RBFOX1: variants seen among roughly 807,000 people sequenced by gnomAD.
RBFOX1 encodes RNA binding fox-1 homolog 1, also known as RNA binding protein fox-1 homolog 1.
A neutral mutation model predicts 57.7 loss-of-function variants in RBFOX1; 8 were observed. The ratio of observed to expected loss-of-function variants is 0.14; its 90% CI spans 0.08 to 0.25. RBFOX1 has a LOEUF of 0.25. RBFOX1 is among the 10% of genes least tolerant of loss of function. The pLI is 1.00. For synonymous variants in RBFOX1, 326 were observed against 222.4 expected, an observed-to-expected ratio of 1.47 and a Z score of -4.15; for missense variants, 611 against 548.5, an observed-to-expected ratio of 1.11 and a Z score of -1.14.
At chr16:5,619,459 G>A (rs933290157) in intron 3 of RBFOX1, among the ~76,000 whole-genome samples, 2 of 152,172 alleles carry the variant, frequency 1.3e-5, no homozygotes, top group Admixed American at 1.3e-4. Context: ...CTCATCTCTC[G>A]CCCCAACCCC....
chr16:5,928,452 TA>T (rs1374799689), intron 4 of RBFOX1, among the ~76,000 whole-genome samples: 1 of 152,156 alleles, frequency 6.6e-6, no homozygotes, highest in East Asian at 1.9e-4. Flanking sequence ...ATATGCTAAT[TA>T]GCTTGATTTA....
At chr16:5,964,841 C>T (rs1330808326) in intron 4 of RBFOX1, among the ~76,000 whole-genome samples, 2 of 151,902 alleles carry the variant, frequency 1.3e-5, no homozygotes, top group Non-Finnish European at 2.9e-5. Context: ...TATACACACA[C>T]ACAATGACCT....
intron 3 of RBFOX1, among the ~76,000 whole-genome samples, chr16:6,654,935 A>C (rs1361990419): frequency 6.6e-6 from 1 of 151,988 alleles, no homozygotes. Context: ...ATACTTTAAC[A>C]CTTGTCACAT....
At chr16:6,941,241 C>T (rs2078401323) in intron 3 of RBFOX1, among the ~76,000 whole-genome samples, 1 of 129,066 alleles carries the variant, frequency 7.7e-6, no homozygotes, top group Non-Finnish European at 1.8e-5. Context: ...TCCCTCCATC[C>T]CCTCCCATTC....
At chr16:7,250,150 T>G (rs28464215) in intron 4 of RBFOX1, among the ~76,000 whole-genome samples, 30 of 152,366 alleles carry the variant, frequency 2.0e-4, no homozygotes, top group African/African-American at 5.8e-4. Flanking sequence ...TTTTATTGAT[T>G]TTCGAGAGAA....
intron 3 of RBFOX1, among the ~76,000 whole-genome samples, chr16:5,790,140 G>A (rs1416401438): frequency 1.3e-5 from 2 of 152,214 alleles, no homozygotes; most frequent in African/African-American, 4.8e-5. Flanking sequence ...AAAAGAGTGC[G>A]AGGGTCTCAC....
chr16:5,894,407 C>T (rs2152156986), intron 4 of RBFOX1, among the ~76,000 whole-genome samples: 1 of 152,140 alleles, frequency 6.6e-6, no homozygotes, highest in African/African-American at 2.4e-5. Flanking sequence ...CTCAGCCTCC[C>T]AAGTAGCTGT....
At chr16:5,699,445 G>A (rs2050958147) in intron 3 of RBFOX1, among the ~76,000 whole-genome samples, 1 of 150,940 alleles carries the variant, frequency 6.6e-6, no homozygotes, top group South Asian at 2.1e-4. Context: ...CTGGTTTGGA[G>A]ACAGTAGATT....
chr16:5,780,553 A>G (rs903185693), intron 3 of RBFOX1, among the ~76,000 whole-genome samples: 5 of 152,146 alleles, frequency 3.3e-5, no homozygotes, highest in South Asian at 2.1e-4. Flanking sequence ...CAATCAATCA[A>G]TTCCTCCAAA....
At chr16:7,517,390 G>C (rs566945247) in intron 4 of RBFOX1, among the ~76,000 whole-genome samples, 42 of 152,170 alleles carry the variant, frequency 2.8e-4, no homozygotes, top group African/African-American at 9.9e-4. Flanking sequence ...CAGGGAGGGA[G>C]AGGCATTGAC....
At position 7,476,958 on chromosome 16, in the gene RBFOX1, T is replaced by TG. The variant is rs1313135635; in HGVS notation, c.28-41189_28-41188insG. 5.9e-5 allele frequency among the ~76,000 whole-genome samples: 9 copies of TG among 152,196 alleles called. No homozygotes were observed. In the East Asian group the frequency reaches 1.7e-3, roughly 29 times the overall value. ...TGCCCTCATCCTCACCCCTCCATCA[T>TG]AGTGCAATTGCATTGGTGTGGAGTC... is the stretch of plus-strand genomic sequence containing the variant. On this transcript the variant is annotated intron_variant, in intron 4 of 15. Coordinates refer to ENST00000550418, the MANE Select transcript of RBFOX1 (RefSeq NM_018723.4).
In RBFOX1 at chr16:6,043,397, G is replaced by C. The variant is rs142329632; in HGVS notation, c.-127+23405G>C. ...CAAAATATGTCAAAGAAACATTTTGGGATACAATATTTTGATTTCCTTCAG... is the reference window on the plus strand; with the variant it reads ...CAAAATATGTCAAAGAAACATTTTGCGATACAATATTTTGATTTCCTTCAG... On this transcript the variant is annotated intron_variant, in intron 1 of 15. Transcript: ENST00000550418. Among the ~76,000 whole-genome samples the C allele has an allele frequency of 2.0e-3, 297 of 152,180 alleles. 5 individuals carry two copies. In the East Asian group the frequency reaches 0.043, roughly 22 times the overall value.
intron 4 of RBFOX1, among the ~76,000 whole-genome samples, chr16:5,991,737 A>G (rs1263255301): frequency 6.6e-6 from 1 of 151,520 alleles, no homozygotes; most frequent in Non-Finnish European, 1.5e-5. Flanking sequence ...TAGGAGCTAA[A>G]CAGACCCGGG....
At chr16:7,489,026 T>G (rs138228458) in intron 4 of RBFOX1, among the ~76,000 whole-genome samples, 1 of 152,196 alleles carries the variant, frequency 6.6e-6, no homozygotes, top group Admixed American at 6.5e-5. Flanking sequence ...TACCTATGCA[T>G]CTATCTCTAT....
intron 4 of RBFOX1, among the ~76,000 whole-genome samples, chr16:5,968,443 T>C (rs2059895512): frequency 6.6e-6 from 1 of 152,154 alleles, no homozygotes; most frequent in Admixed American, 6.5e-5. Flanking sequence ...TTGTTTACAG[T>C]TTATATCCTT....
chr16:6,315,557 ATG>A (rs2081000543), intron 1 of RBFOX1, among the ~76,000 whole-genome samples: 1 of 71,586 alleles, frequency 1.4e-5, no homozygotes, highest in Admixed American at 1.4e-4. Flanking sequence ...GGATGGATGG[ATG>A]GATGGATGGA....
intron 3 of RBFOX1, among the ~76,000 whole-genome samples, chr16:6,952,854 A>G (rs1598244761): frequency 6.6e-6 from 1 of 152,100 alleles, no homozygotes; most frequent in African/African-American, 2.4e-5. Flanking sequence ...GCATGCCTGT[A>G]ATCCCAGCTA....
At position 7,188,927 on chromosome 16, in the gene RBFOX1, A is replaced by G. The variant is rs1414455883; in HGVS notation, c.27+136829A>G. Among the ~76,000 whole-genome samples the G allele has an allele frequency of 3.3e-5, 5 of 152,280 alleles. No homozygotes were observed. In the East Asian group the frequency reaches 9.7e-4, roughly 29 times the overall value. ...TAAGGATTGGGGAAAGTTCTTTGAC[A>G]CCATGAAGACTATAATTGCAGCCTG... On this transcript the variant is annotated intron_variant, in intron 4 of 15. Coordinates refer to ENST00000550418, the MANE Select transcript of RBFOX1 (RefSeq NM_018723.4).
At chr16:5,550,350 A>G (rs1433526260) in intron 2 of RBFOX1, among the ~76,000 whole-genome samples, 1 of 152,188 alleles carries the variant, frequency 6.6e-6, no homozygotes, top group African/African-American at 2.4e-5. Flanking sequence ...CACTGTTGCT[A>G]CATGGAAGGA....
Sources: gnomAD v4.1 joint callset for allele counts (sites outside exome capture counted in the v4.1 genomes callset) on GRCh38, gnomAD v4.1.1 for gene constraint, MANE v1.5 for transcripts, NCBI Gene and HGNC (gene_info 2026-07-23, HGNC 2026-07-21) for gene names.